The following TJAP1 variants were observed in gnomAD, a reference collection of about 807,000 sequenced individuals.
TJAP1 encodes the protein tight junction associated protein 1, also known as tight junction-associated protein 1.
A neutral mutation model predicts 42.0 loss-of-function variants in TJAP1; 27 were observed. The ratio of observed to expected loss-of-function variants is 0.64; its 90% confidence interval spans 0.47 to 0.89. The LOEUF (loss-of-function observed/expected upper bound fraction) is 0.89, where lower values mean the gene tolerates loss of function less well. Ranked by LOEUF, TJAP1 falls within the 40% of genes least tolerant of loss-of-function variation. TJAP1 has a pLI of 0.00. For synonymous variants in TJAP1, 257 were observed against 288.4 expected (o/e 0.89, Z 1.10); for missense variants, 712 against 726.9 (o/e 0.98, Z 0.24).
chr6:43,479,332 G>A (rs892034940), intron 2 of TJAP1, among the ~76,000 whole-genome samples: 1 of 152,182 alleles, frequency 6.6e-6, no homozygotes, highest in Non-Finnish European at 1.5e-5. Flanking sequence ...ACTGTTACTA[G>A]GTCAGCTTCA....
At chr6:43,504,035 C>T (rs1394056804) in intron 10 of TJAP1, 1 of 516,950 alleles carries the variant, frequency 1.9e-6, no homozygotes, top group Non-Finnish European at 3.8e-6. Flanking sequence ...TCATGTTACC[C>T]CAAGGGGTAA....
chr6:43,497,125 G>A (rs1789381456), intron 2 of TJAP1: 1 of 152,252 alleles, frequency 6.6e-6, no homozygotes, highest in Admixed American at 6.5e-5. Flanking sequence ...CATTTGTGGT[G>A]GGAGTTGCCC....
intron 2 of TJAP1, among the ~76,000 whole-genome samples, chr6:43,484,126 A>G (rs528014280): frequency 1.1e-4 from 17 of 151,902 alleles, no homozygotes; most frequent in Non-Finnish European, 1.6e-4. Flanking sequence ...TTGCAGGAGT[A>G]ATGAGTTCAT....
rs764249196 is a variant in TJAP1 at position 43,505,126 on chromosome 6, C to T, written c.945C>T (p.Pro315=). The T allele has an allele frequency of 5.5e-5, 89 of 1,614,050 alleles. No individual in the cohort carries two copies. Among genetic ancestry groups the T allele is most frequent in the Admixed American group, 8.3e-5 (5 of 60,006 alleles). Residue 315 remains proline, a synonymous_variant, in exon 11 of 11, where the codon CCC becomes CCT. Coordinates refer to ENST00000372449, the Ensembl canonical transcript of TJAP1. This position sits in a 1 kb window ranked among gnomAD's most constrained non-coding sequence, Gnocchi z 5.5. ...TGCCAGCCTTTGAGAAGCTGAACCC[C>T]TACCCAACCCCGTCTCCACCACACC...
chr6:43,500,371 C>G (rs932103054), intron 4 of TJAP1, among the ~76,000 whole-genome samples: 1 of 152,220 alleles, frequency 6.6e-6, no homozygotes, highest in African/African-American at 2.4e-5. Context: ...TTCAGCCTGA[C>G]TTTTCTGGAA....
rs189584003 is a variant in TJAP1 at position 43,488,015 on chromosome 6, G to A, written c.-122+9783G>A. Among the ~76,000 whole-genome samples the A allele has an allele frequency of 2.6e-3, 388 of 152,102 alleles. 2 individuals carry two copies. Among genetic ancestry groups the A allele is most frequent in the African/African-American group, 8.7e-3 (361 of 41,484 alleles). ...CTCCCGAGTAGCTGGGATTATAGGC[G>A]CCAGCCAACACGCCCAGCTAATTTT... On this transcript the variant is annotated intron_variant, in intron 2 of 10. Transcript: ENST00000372449.
At chr6:43,502,230 C>T (rs1791079299) in intron 6 of TJAP1, 53 bp from the exon 7 acceptor site, 1 of 1,594,032 alleles carries the variant, frequency 6.3e-7, no homozygotes, top group Non-Finnish European at 8.6e-7. Flanking sequence ...CTGAACAGAG[C>T]CTGAAGAACA....
chr6:43,478,213 C>G (rs910807281), exon 2 of TJAP1: 1 of 152,278 alleles, frequency 6.6e-6, no homozygotes, highest in Non-Finnish European at 1.5e-5. Context: ...GCGACTTGCC[C>G]CAGTCCAACC....
chr6:43,484,273 A>C (rs1430644984), intron 2 of TJAP1, among the ~76,000 whole-genome samples: 1 of 152,056 alleles, frequency 6.6e-6, no homozygotes, highest in Admixed American at 6.6e-5. Flanking sequence ...AGCCTGGCCA[A>C]CATGGTGAAG....
At position 43,505,750 on chromosome 6, in the gene TJAP1, C is replaced by T. The variant is rs756368579; in HGVS notation, c.1569C>T (p.Pro523=). 6 of 1,525,700 alleles carry T rather than the reference C, an allele frequency of 3.9e-6. No individual in the cohort carries two copies. In the East Asian group the frequency reaches 1.4e-4, roughly 35 times the overall value. 94.5% of individuals were successfully genotyped at this position (1,525,700 alleles called of 1,614,324 possible). ...CCGAGGGCAGGGCCTGGCCACTCCC[C>T]AGCTCCAGTCGCCCCCAGCGCAGCC... is the stretch of plus-strand genomic sequence containing the variant. Residue 523 remains proline (P), a synonymous_variant, in exon 11 of 11, where the codon CCC becomes CCT. Coordinates refer to ENST00000372449, the Ensembl canonical transcript of TJAP1. The surrounding 1 kb of genome is among the most constrained non-coding windows in gnomAD (Gnocchi z 5.5).
rs1791330793 is a variant in TJAP1 at position 43,503,029 on chromosome 6, C to G, written c.388-372C>G. Reference sequence around the variant, plus strand: ...CCTGCTTCCTCTTCCCTCTCCTAGCCTGATGCTGGAAACAGCTGCACACAT... The same window carrying G: ...CCTGCTTCCTCTTCCCTCTCCTAGCGTGATGCTGGAAACAGCTGCACACAT... On this transcript the variant is annotated intron_variant, in intron 8 of 10. Transcript: ENST00000372449. 1.8e-5 allele frequency: 8 copies of G among 446,174 alleles called. No homozygotes were observed. The South Asian group carries it at 1.9e-4, about 10-fold the overall frequency. 27.6% of individuals were successfully genotyped at this position (446,174 alleles called of 1,614,324 possible).
intron 2 of TJAP1, among the ~76,000 whole-genome samples, chr6:43,490,981 G>A (rs2127539651): frequency 6.6e-6 from 1 of 152,324 alleles, no homozygotes; most frequent in South Asian, 2.1e-4. Flanking sequence ...GTTTCCTGGT[G>A]TTCCACACAG....
chr6:43,496,525 G>A lies in TJAP1; in HGVS notation c.-121-1356G>A, dbSNP rs565554173. ...CTCCTGTCAGGGGGAGGAGGCTGGC[G>A]GCCGTGCCTGTGCTGCCGCACCTCA... On this transcript the variant is annotated intron_variant, in intron 2 of 10. Coordinates refer to ENST00000372449, the Ensembl canonical transcript of TJAP1. Among the ~76,000 whole-genome samples the A allele has an allele frequency of 5.9e-5, 9 of 152,312 alleles. No individual in the cohort carries two copies. In the East Asian group the frequency reaches 1.5e-3, roughly 26 times the overall value.
At chr6:43,496,399 C>T (rs1031047537) in intron 2 of TJAP1, among the ~76,000 whole-genome samples, 1 of 152,186 alleles carries the variant, frequency 6.6e-6, no homozygotes, top group African/African-American at 2.4e-5. Context: ...CTCCCCACAC[C>T]CCGGGAATGT....
In TJAP1 at chr6:43,501,755, CACACTCTCTCT is replaced by C. The variant is rs878877109; in HGVS notation, c.290+69_290+79del. 8.6e-4 allele frequency: 555 copies of C among 649,038 alleles called. 6 individuals carry two copies. The highest frequency in any genetic ancestry group is 5.4e-3 in the South Asian group (334 of 62,268). 40.2% of individuals were successfully genotyped at this position (649,038 alleles called of 1,614,324 possible). A position where few individuals can be genotyped will look rare whatever the true frequency, so the allele number is the denominator to read the frequency against. Reference sequence around the variant, plus strand: ...ACACACACACACACACACACACACACACACTCTCTCTGTCTCTCTCTCTCTCTGTGTCTCTG... The same window carrying C: ...ACACACACACACACACACACACACACGTCTCTCTCTCTCTCTGTGTCTCTG... On this transcript the variant is annotated intron_variant, in intron 6 of 10. Transcript: ENST00000372449.
rs907608365 is a variant in TJAP1 at position 43,491,132 on chromosome 6, C to T, written c.-121-6749C>T. Reference sequence around the variant, plus strand: ...TGGGTGAGAGAAGGCAGCAGCCTACCAGCACTGGGTGGGAGCTTGTAAATG... The same window carrying T: ...TGGGTGAGAGAAGGCAGCAGCCTACTAGCACTGGGTGGGAGCTTGTAAATG... On this transcript the variant is annotated intron_variant, in intron 2 of 10. Transcript: ENST00000372449. The surrounding 1 kb of genome is among the most constrained non-coding windows in gnomAD (Gnocchi z 4.6). Among the ~76,000 whole-genome samples, 2 of 151,974 alleles carry T rather than the reference C, an allele frequency of 1.3e-5. No homozygotes were observed. Among genetic ancestry groups the T allele is most frequent in the Non-Finnish European group, 2.9e-5 (2 of 68,024 alleles).
At chr6:43,484,986 C>T (rs952994831) in intron 2 of TJAP1, among the ~76,000 whole-genome samples, 2 of 152,176 alleles carry the variant, frequency 1.3e-5, no homozygotes, top group Non-Finnish European at 2.9e-5. Flanking sequence ...CCTGGGCCTC[C>T]CAAAGTGCCA....
chr6:43,503,002 G>A (rs374925539), intron 8 of TJAP1: 10 of 453,092 alleles, frequency 2.2e-5, no homozygotes, highest in East Asian at 4.4e-5. Context: ...CTGCCACCGC[G>A]CCCTGCTTCC....
At chr6:43,480,288 A>T (rs1339057408) in intron 2 of TJAP1, among the ~76,000 whole-genome samples, 1 of 152,216 alleles carries the variant, frequency 6.6e-6, no homozygotes, top group African/African-American at 2.4e-5. Flanking sequence ...GATGTTAAAG[A>T]GATGAAGCAG....
Sources: allele counts gnomAD v4.1 joint callset (sites outside exome capture counted in the v4.1 genomes callset), GRCh38; gene constraint gnomAD v4.1.1; non-coding constraint Gnocchi (gnomAD v3.1); transcripts MANE v1.5; gene names NCBI Gene and HGNC (gene_info 2026-07-23, HGNC 2026-07-21).